Variants in PLXNA4 observed in about 807,000 individuals in gnomAD.
PLXNA4 encodes plexin A4, also known as plexin-A4.
PLXNA4 carries 44 observed loss-of-function variants against 191.8 expected under a neutral mutation model. The ratio of observed to expected loss-of-function variants is 0.23; its 90% CI spans 0.18 to 0.29. The LOEUF (loss-of-function observed/expected upper bound fraction) is 0.29. Among genes scored for constraint, PLXNA4 ranks in the 10% least tolerant of loss-of-function variants. The pLI is 1.00. For synonymous variants in PLXNA4, 1,082 were observed against 1,009.5 expected, an observed-to-expected ratio of 1.07 and a Z score of -1.36; for missense variants, 1,800 against 2,488.8, an observed-to-expected ratio of 0.72 and a Z score of 5.89.
intron 3 of PLXNA4, among the ~76,000 whole-genome samples, chr7:132,298,719 G>A (rs938701439): frequency 6.6e-6 from 1 of 152,260 alleles, no homozygotes; most frequent in African/African-American, 2.4e-5. Context: ...CAACCCCAAA[G>A]GTTTCACACT....
chr7:132,397,011 A>G (rs1022424848), intron 3 of PLXNA4, among the ~76,000 whole-genome samples: 1 of 152,144 alleles, frequency 6.6e-6, no homozygotes, highest in Non-Finnish European at 1.5e-5. Context: ...GACACCTGCC[A>G]CTCTGACAGC....
At chr7:132,540,337 A>G (rs1351915958) in intron 1 of PLXNA4, among the ~76,000 whole-genome samples, 1 of 152,076 alleles carries the variant, frequency 6.6e-6, no homozygotes, top group Non-Finnish European at 1.5e-5. Flanking sequence ...CACTCTAGAC[A>G]TTTCATTGTC....
intron 21 of PLXNA4, among the ~76,000 whole-genome samples, chr7:132,170,297 C>G (rs761584846): frequency 4.6e-5 from 7 of 152,132 alleles, no homozygotes; most frequent in Admixed American, 2.0e-4. Context: ...CATGAGGGAC[C>G]CTGTGAGGAT....
chr7:132,567,068 C>G (rs1159560905), intron 1 of PLXNA4, among the ~76,000 whole-genome samples: 2 of 152,112 alleles, frequency 1.3e-5, no homozygotes, highest in Admixed American at 6.5e-5. Context: ...TTAAATACTC[C>G]CACACAAACG....
rs769212160 is a variant in PLXNA4, at chr7:132,211,078, C to T, written c.2163G>A (p.Thr721=). 28 of 1,603,524 alleles carry T rather than the reference C, an allele frequency of 1.7e-5. No individual in the cohort carries two copies. The highest frequency in any genetic ancestry group is 2.3e-5 in the Non-Finnish European group (27 of 1,174,938). Residue 721 remains threonine (T), a synonymous_variant, in exon 10 of 32, where the codon ACG becomes ACA. Coordinates refer to ENST00000321063, the MANE Select transcript of PLXNA4 (RefSeq NM_020911.2). ...LVPVEVIKPI[T]LKAKNLPQPQ... The stretch of plus-strand genomic sequence containing the variant: ...GCTGGGGGAGGTTCTTGGCCTTCAG[C>T]GTGATAGGCTTGATCACCTCCACGG...
chr7:132,132,710 T>G (rs1378912982), intron 31 of PLXNA4, among the ~76,000 whole-genome samples: 14 of 151,500 alleles, frequency 9.2e-5, no homozygotes. Flanking sequence ...CCCATAGGAG[T>G]GAGGAGGTGC....
At chr7:132,330,495 T>C (rs1052663053) in intron 3 of PLXNA4, among the ~76,000 whole-genome samples, 2 of 152,226 alleles carry the variant, frequency 1.3e-5, no homozygotes, top group Non-Finnish European at 2.9e-5. Context: ...ATAAAACTTG[T>C]CTTCTGTCCT....
At chr7:132,423,326 T>C (rs1212094692) in intron 3 of PLXNA4, among the ~76,000 whole-genome samples, 4 of 152,184 alleles carry the variant, frequency 2.6e-5, no homozygotes, top group Non-Finnish European at 5.9e-5. Context: ...GCTTACGTAG[T>C]GAAGGGACGC....
intron 1 of PLXNA4, among the ~76,000 whole-genome samples, chr7:132,533,553 T>C (rs750104576): frequency 6.6e-6 from 1 of 152,226 alleles, no homozygotes; most frequent in South Asian, 2.1e-4. Flanking sequence ...ACAAAAAACC[T>C]TGGCTCCACA....
chr7:132,354,014 T>C (rs1319764849), intron 3 of PLXNA4, among the ~76,000 whole-genome samples: 2 of 152,266 alleles, frequency 1.3e-5, no homozygotes, highest in East Asian at 3.9e-4. Context: ...CATGTCCTCA[T>C]TGCTCACTGA....
intron 15 of PLXNA4, among the ~76,000 whole-genome samples, chr7:132,186,996 T>G (rs67632134): frequency 0.049 from 7,424 of 152,194 alleles, 198 homozygotes; most frequent in Middle Eastern, 0.068. Context: ...CTAAGATCAC[T>G]GTTTGAGATA....
At chr7:132,492,253 G>A (rs1449852432) in intron 2 of PLXNA4, among the ~76,000 whole-genome samples, 2 of 152,184 alleles carry the variant, frequency 1.3e-5, no homozygotes, top group Non-Finnish European at 2.9e-5. Flanking sequence ...GCCTGAGGAG[G>A]CTTCAGGCCT....
In PLXNA4 at chr7:132,450,686, A is replaced by G. The variant is rs759721453; in HGVS notation, c.1371+38606T>C. Among the ~76,000 whole-genome samples, 10 of 152,230 alleles carry G rather than the reference A, an allele frequency of 6.6e-5. No homozygotes were observed. In the South Asian group the frequency reaches 1.0e-3, roughly 16 times the overall value. On this transcript the variant is annotated intron_variant, in intron 3 of 31. Coordinates refer to ENST00000321063, the MANE Select transcript of PLXNA4 (RefSeq NM_020911.2). ...ATTCTTGGAGCAGAGGAACCTGCTC[A>G]GCCTGCTATAGGAACAATGGCCAAG...
At chr7:132,237,751 G>C (rs1798750557) in intron 5 of PLXNA4, among the ~76,000 whole-genome samples, 1 of 152,214 alleles carries the variant, frequency 6.6e-6, no homozygotes, top group Non-Finnish European at 1.5e-5. Context: ...CTGTGAGAAG[G>C]TACCGTTCTC....
chr7:132,505,469 A>G (rs1401456979), intron 2 of PLXNA4, among the ~76,000 whole-genome samples: 1 of 133,074 alleles, frequency 7.5e-6, no homozygotes, highest in African/African-American at 2.5e-5. Context: ...CTCTGGTCTC[A>G]AAAGAACTTG....
chr7:132,502,301 A>G (rs1349654456), intron 2 of PLXNA4, among the ~76,000 whole-genome samples: 1 of 152,180 alleles, frequency 6.6e-6, no homozygotes, highest in East Asian at 1.9e-4. Context: ...GGCACGTGGA[A>G]GGGGACCTCC....
chr7:132,179,032 GCACACACACACA>G (rs67794762), intron 20 of PLXNA4, among the ~76,000 whole-genome samples: 1 of 61,642 alleles, frequency 1.6e-5, no homozygotes. Context: ...AGGCGCGCGC[GCACACACACACA>G]CACACACACA....
chr7:132,482,106 A>T (rs1797360793), intron 3 of PLXNA4, among the ~76,000 whole-genome samples: 1 of 152,188 alleles, frequency 6.6e-6, no homozygotes, highest in Non-Finnish European at 1.5e-5. Flanking sequence ...CCTCATGTAG[A>T]AGGCAGCCTC....
intron 13 of PLXNA4, among the ~76,000 whole-genome samples, chr7:132,196,455 A>G (rs1397667983): frequency 6.6e-6 from 1 of 152,240 alleles, no homozygotes; most frequent in East Asian, 1.9e-4. Context: ...TGATTCTTCT[A>G]TAATATCAGA....
Sources: allele counts gnomAD v4.1 joint callset (sites outside exome capture counted in the v4.1 genomes callset), GRCh38; gene constraint gnomAD v4.1.1; transcripts MANE v1.5; gene names NCBI Gene and HGNC (gene_info 2026-07-23, HGNC 2026-07-21).